The following ZNF728 variants were observed in gnomAD, a reference collection of about 807,000 sequenced individuals.
The protein encoded by ZNF728 is zinc finger protein 728.
Under a neutral mutation model 12.5 loss-of-function variants are expected in ZNF728, and 12 were observed. The ratio of observed to expected loss-of-function variants is 0.96; its 90% CI spans 0.61 to 1.55. ZNF728 has a LOEUF of 1.55. Ranked by LOEUF, ZNF728 falls within the 40% of genes most tolerant of loss-of-function variation. The probability of loss-of-function intolerance (pLI) is 0.00; values close to 1 mark genes in which losing one functional copy is unlikely to be tolerated. For missense variants in ZNF728, 692 were observed against 719.2 expected (o/e 0.96, Z 0.43); for synonymous variants, 205 against 240.7 (o/e 0.85, Z 1.37).
At chr19:22,989,503 A>T (rs1246600198) in intron 1 of ZNF728, among the ~76,000 whole-genome samples, 28 of 152,210 alleles carry the variant, frequency 1.8e-4, no homozygotes, top group Admixed American at 1.8e-3. Flanking sequence ...GATGAACAGA[A>T]AAATAATTCT....
intron 1 of ZNF728, among the ~76,000 whole-genome samples, chr19:23,002,081 C>T (rs1484125163): frequency 6.6e-6 from 1 of 152,164 alleles, no homozygotes; most frequent in Non-Finnish European, 1.5e-5. Flanking sequence ...TTTGGGAGGC[C>T]GAGGCAGGTG....
rs750719166 is a variant in ZNF728 at position 22,976,369 on chromosome 19, C to T, written c.968G>A (p.Arg323Gln). 21 of 1,605,244 alleles carry T rather than the reference C, an allele frequency of 1.3e-5. No individual in the cohort carries two copies. Among genetic ancestry groups the T allele is most frequent in the African/African-American group, 5.5e-5 (4 of 72,858 alleles). The change falls in exon 4 of 4, where the codon CGG becomes CAG. Residue 323 changes from arginine to glutamine, a missense_variant. This residue lies in a region of ZNF728 where 440 missense variants were observed against 459.6 expected (regional missense o/e 0.96). Coordinates refer to ENST00000594710, the MANE Select transcript of ZNF728 (RefSeq NM_001267716.2). Reference protein sequence around the residue: ...KCEECGKAFNRSSNLMEHKRI... With the variant: ...KCEECGKAFNQSSNLMEHKRI... ...CTTATGTTCCATAAGGTTTGAGGAC[C>T]GGTTGAAAGCTTTGCCACATTCTTC...
chr19:22,996,242 TTCAA>T (rs1382808960), intron 1 of ZNF728, among the ~76,000 whole-genome samples: 14 of 133,260 alleles, frequency 1.1e-4, no homozygotes, highest in Admixed American at 4.8e-4. Context: ...AACTAAGGAA[TTCAA>T]TCAAAGTAAA....
chr19:22,989,945 A>G (rs1358289446), intron 1 of ZNF728, among the ~76,000 whole-genome samples: 8 of 151,740 alleles, frequency 5.3e-5, no homozygotes, highest in Non-Finnish European at 1.2e-4. Context: ...TTTCCCCAAT[A>G]GGAATTTTGA....
In ZNF728 at chr19:22,975,691, G is replaced by A. The variant is rs1237956883; in HGVS notation, c.1646C>T (p.Ser549Leu). ...AATTCTCTTATGTTCACTAAGTCTTGAGGACCAGATGAAGGCTTTGCCACA... is the reference window on the plus strand; with the variant it reads ...AATTCTCTTATGTTCACTAAGTCTTAAGGACCAGATGAAGGCTTTGCCACA... ...EECGKAFIWS[S>L]RLSEHKRIHT... Residue 549 changes from serine to leucine, a missense_variant, in exon 4 of 4, where the codon TCA becomes TTA. By Grantham distance (145) the Ser-to-Leu change is moderately radical. Around this residue, in one of 3 missense-constraint regions of ZNF728, gnomAD observed 244 missense variants for 235.2 expected, o/e 1.04. Transcript: ENST00000594710. 3 of 1,611,712 alleles carry A rather than the reference G, an allele frequency of 1.9e-6. No individual in the cohort carries two copies. The highest frequency in any genetic ancestry group is 2.7e-5 in the African/African-American group (2 of 74,942).
At chr19:22,983,615 A>C (rs1968883519) in intron 3 of ZNF728, among the ~76,000 whole-genome samples, 1 of 152,232 alleles carries the variant, frequency 6.6e-6, no homozygotes, top group African/African-American at 2.4e-5. Flanking sequence ...CCAAATGCCC[A>C]TCAGTAATAG....
At chr19:22,998,896 A>T (rs915722171) in intron 1 of ZNF728, among the ~76,000 whole-genome samples, 2 of 152,072 alleles carry the variant, frequency 1.3e-5, no homozygotes, top group East Asian at 1.9e-4. Context: ...CACTCTGCAT[A>T]TTTTCTTCTT....
intron 3 of ZNF728, 117 bp from the exon 4 acceptor site, chr19:22,977,227 G>T: frequency 1.1e-6 from 1 of 950,748 alleles, no homozygotes; most frequent in Non-Finnish European, 1.5e-6. Context: ...TATGACACAG[G>T]CCCTAATTCT....
chr19:22,978,302 TAAA>T (rs35513624), intron 3 of ZNF728, among the ~76,000 whole-genome samples: 1 of 128,020 alleles, frequency 7.8e-6, no homozygotes, highest in Admixed American at 8.0e-5. Context: ...GTCAAAGTCC[TAAA>T]AAAAAAAAAA....
At chr19:22,992,506 G>A (rs1969000709) in intron 1 of ZNF728, among the ~76,000 whole-genome samples, 1 of 152,038 alleles carries the variant, frequency 6.6e-6, no homozygotes, top group Non-Finnish European at 1.5e-5. Context: ...GCTTCCCAAA[G>A]TGCTGGGATT....
At chr19:22,993,488 G>A (rs1311880591) in intron 1 of ZNF728, among the ~76,000 whole-genome samples, 1 of 152,104 alleles carries the variant, frequency 6.6e-6, no homozygotes, top group East Asian at 1.9e-4. Flanking sequence ...GACACAACAT[G>A]AACATAAGCA....
At chr19:22,992,445 G>A (rs997231199) in intron 1 of ZNF728, among the ~76,000 whole-genome samples, 12 of 152,038 alleles carry the variant, frequency 7.9e-5, no homozygotes, top group Admixed American at 3.3e-4. Flanking sequence ...ATTTCACTAT[G>A]TTGGCCAGGC....
chr19:22,995,616 C>G (rs1969041346), intron 1 of ZNF728: 1 of 152,080 alleles, frequency 6.6e-6, no homozygotes, highest in Non-Finnish European at 1.5e-5. Flanking sequence ...TTTGTATTTT[C>G]TGTAGAGACA....
At chr19:23,002,942 G>A in intron 1 of ZNF728, 86 bp downstream of exon 1, 1 of 1,533,526 alleles carries the variant, frequency 6.5e-7, no homozygotes, top group Non-Finnish European at 8.9e-7. Flanking sequence ...TGACTGAGAG[G>A]AGGCCTGAGT....
chr19:22,976,278 T>G lies in ZNF728; in HGVS notation c.1059A>C (p.Ser353=), dbSNP rs954804195. 5.6e-6 allele frequency: 9 copies of G among 1,613,030 alleles called. No homozygotes were observed. The African/African-American group carries it at 1.2e-4, about 22-fold the overall frequency. Residue 353 remains serine (S), a synonymous_variant, in exon 4 of 4, where the codon TCA becomes TCC. Transcript: ENST00000594710. ...GAATTACCTTATGTTTAGTAAGGGT[T>G]GAGAAGTTACCAAAGGCTTTGCCAC... ...EECGKAFGNF[S]TLTKHKVIHT...
intron 1 of ZNF728, among the ~76,000 whole-genome samples, chr19:22,991,044 C>T (rs571390262): frequency 6.6e-6 from 1 of 152,182 alleles, no homozygotes. Flanking sequence ...AAATGAGGCA[C>T]AACACAGAGT....
chr19:22,975,527 A>G lies in ZNF728; in HGVS notation c.1810T>C (p.Ser604Pro). ...CEECGKDFNQ[S>P]SHLTTHKRIH... ...CTCTTATGAGTAGTAAGGTGTGAGG[A>G]TTGGTTGAAGTCTTTACCACATTCT... Residue 604 changes from serine (S) to proline (P), a missense_variant, in exon 4 of 4, where the codon TCC becomes CCC. Coordinates refer to ENST00000594710, the MANE Select transcript of ZNF728 (RefSeq NM_001267716.2). 2.5e-6 allele frequency: 4 copies of G among 1,569,348 alleles called. No individual in the cohort carries two copies. Among genetic ancestry groups the G allele is most frequent in the Non-Finnish European group, 2.6e-6 (3 of 1,159,592 alleles).
chr19:22,995,883 A>G (rs1314139923), intron 1 of ZNF728: 1 of 152,202 alleles, frequency 6.6e-6, no homozygotes, highest in Non-Finnish European at 1.5e-5. Context: ...AATATAGTAG[A>G]ATATATTAGA....
chr19:22,998,767 G>GTGATTAA (rs1321136617), intron 1 of ZNF728, among the ~76,000 whole-genome samples: 4 of 152,194 alleles, frequency 2.6e-5, no homozygotes, highest in African/African-American at 9.6e-5. Flanking sequence ...ATAAATAGCT[G>GTGATTAA]TGATTAATAA....
Sources: gnomAD v4.1 joint callset for allele counts (sites outside exome capture counted in the v4.1 genomes callset) on GRCh38, gnomAD v4.1.1 for gene constraint, gnomAD v4.1.1 regional missense constraint, MANE v1.5 for transcripts, NCBI Gene and HGNC (gene_info 2026-07-23, HGNC 2026-07-21) for gene names.